Variants in CUX2 observed in about 807,000 individuals in gnomAD.
The protein encoded by CUX2 is homeobox protein cut-like 2.
Under a neutral mutation model 144.8 loss-of-function variants are expected in CUX2, and 40 were observed. The ratio of observed to expected loss-of-function variants is 0.28; its 90% CI spans 0.21 to 0.36. The LOEUF (loss-of-function observed/expected upper bound fraction) is 0.36, where lower values mean the gene tolerates loss of function less well. Among genes scored for constraint, CUX2 ranks in the 10% least tolerant of loss-of-function variants. The pLI is 1.00. For synonymous variants in CUX2, 827 were observed against 875.6 expected, an observed-to-expected ratio of 0.94 and a Z score of 0.98; for missense variants, 1,615 against 1,994.0, an observed-to-expected ratio of 0.81 and a Z score of 3.62.
intron 1 of CUX2, among the ~76,000 whole-genome samples, chr12:111,054,602 G>A (rs941868951): frequency 1.3e-5 from 2 of 152,106 alleles, no homozygotes; most frequent in African/African-American, 4.8e-5. Flanking sequence ...TCATTTAGTG[G>A]TTTAATTCCC....
intron 4 of CUX2, among the ~76,000 whole-genome samples, chr12:111,290,989 A>G (rs1414372463): frequency 6.6e-6 from 1 of 151,816 alleles, no homozygotes; most frequent in Non-Finnish European, 1.5e-5. Context: ...CAGCCTCCCG[A>G]ATAGCTGGGA....
rs1305262026 is a variant in CUX2 at position 111,057,536 on chromosome 12, T to A, written c.63+23296T>A. ...CAGGGTGACCAGGCCGATTCCAACG[T>A]GGGGACCCAGACCTCCTTACACGGG... On this transcript the variant is annotated intron_variant, in intron 1 of 21. Transcript: ENST00000261726. The surrounding 1 kb of genome is among the most constrained non-coding windows in gnomAD (Gnocchi z 5.1). Among the ~76,000 whole-genome samples, 1 of 152,084 alleles carries A rather than the reference T, an allele frequency of 6.6e-6. No homozygotes were observed. The highest frequency in any genetic ancestry group is 2.4e-5 in the African/African-American group (1 of 41,386).
intron 1 of CUX2, among the ~76,000 whole-genome samples, chr12:111,165,681 G>A (rs1878094783): frequency 6.6e-6 from 1 of 152,200 alleles, no homozygotes; most frequent in Admixed American, 6.5e-5. Flanking sequence ...TGTTCGTGCA[G>A]CAGTGACCAG....
intron 18 of CUX2, among the ~76,000 whole-genome samples, chr12:111,330,750 T>TAA (rs1888089790): frequency 5.9e-5 from 5 of 84,042 alleles, no homozygotes; most frequent in Non-Finnish European, 1.0e-4. Context: ...TATATATATA[T>TAA]AAAGAGAGAG....
Position 111,293,556 on chromosome 12 carries a change from G to A in CUX2, c.547G>A (p.Ala183Thr), listed in dbSNP as rs1398890930. 1.3e-6 allele frequency: 2 copies of A among 1,583,522 alleles called. No homozygotes were observed. The highest frequency in any genetic ancestry group is 1.7e-6 in the Non-Finnish European group (2 of 1,166,548). Residue 183 changes from alanine to threonine, a missense_variant, in exon 6 of 22, where the codon GCG (alanine) becomes ACG (threonine). Physicochemically the swap from Ala to Thr is moderately conservative, Grantham distance 58. Around this residue, in one of 12 missense-constraint regions of CUX2, gnomAD observed 295 missense variants for 400.2 expected, o/e 0.74. Coordinates refer to ENST00000261726, the MANE Select transcript of CUX2 (RefSeq NM_015267.4). This position sits in a 1 kb window ranked among gnomAD's most constrained non-coding sequence, Gnocchi z 4.5. Reference protein sequence around the residue: ...LTETLLQRNEAEKQKGLQEVQ... With the variant: ...LTETLLQRNETEKQKGLQEVQ... The stretch of plus-strand genomic sequence containing the variant: ...AGAAACCTTGCTGCAGAGAAATGAG[G>A]CGGAAAAACAAAAGTGAGGAAGGGA...
intron 1 of CUX2, among the ~76,000 whole-genome samples, chr12:111,193,245 A>G (rs975787143): frequency 3.9e-5 from 6 of 152,208 alleles, no homozygotes; most frequent in Admixed American, 3.9e-4. Flanking sequence ...ACTGCGCCCC[A>G]TAGCCCTGAT....
rs189937336 is a variant in CUX2 at position 111,125,982 on chromosome 12, G to C, written c.64-88218G>C. On this transcript the variant is annotated intron_variant, in intron 1 of 21. Coordinates refer to ENST00000261726, the MANE Select transcript of CUX2 (RefSeq NM_015267.4). ...CCACCGGGTTATGAACTATATTAGGGTTCTCCAGAAAAACAGATTCAACAC... is the reference window on the plus strand; with the variant it reads ...CCACCGGGTTATGAACTATATTAGGCTTCTCCAGAAAAACAGATTCAACAC... Among the ~76,000 whole-genome samples, 106 of 151,758 alleles carry C rather than the reference G, an allele frequency of 7.0e-4. 1 individual carries two copies. Among genetic ancestry groups the C allele is most frequent in the Non-Finnish European group, 1.1e-3 (73 of 68,014 alleles).
At chr12:111,150,325 G>A (rs559176688) in intron 1 of CUX2, among the ~76,000 whole-genome samples, 3 of 152,284 alleles carry the variant, frequency 2.0e-5, no homozygotes, top group Admixed American at 6.5e-5. Context: ...AAAAAGGGCC[G>A]GGAAAAAGAA....
At chr12:111,212,709 AAAG>A (rs1205361121) in intron 1 of CUX2, among the ~76,000 whole-genome samples, 1 of 152,178 alleles carries the variant, frequency 6.6e-6, no homozygotes. Context: ...ATAATTTTCT[AAAG>A]AAGTTAGACA....
At chr12:111,142,041 G>A (rs377731319) in intron 1 of CUX2, among the ~76,000 whole-genome samples, 2 of 152,074 alleles carry the variant, frequency 1.3e-5, no homozygotes, top group Admixed American at 1.3e-4. Flanking sequence ...CCAAGATCAC[G>A]CCACTGCACT....
chr12:111,302,093 G>A (rs1057350971), intron 9 of CUX2, among the ~76,000 whole-genome samples: 1 of 152,140 alleles, frequency 6.6e-6, no homozygotes, highest in Non-Finnish European at 1.5e-5. Context: ...CTGGAACAAG[G>A]CAAGATACGT....
At chr12:111,177,391 G>A (rs558518126) in intron 1 of CUX2, among the ~76,000 whole-genome samples, 1 of 152,024 alleles carries the variant, frequency 6.6e-6, no homozygotes, top group African/African-American at 2.4e-5. Flanking sequence ...TCATTTTGAA[G>A]ACAAGGATGA....
intron 1 of CUX2, among the ~76,000 whole-genome samples, chr12:111,051,498 T>C (rs1443459961): frequency 6.6e-6 from 1 of 152,118 alleles, no homozygotes; most frequent in Non-Finnish European, 1.5e-5. Context: ...TAGTAACTTT[T>C]TTTTTTTGTT....
At chr12:111,205,689 A>T (rs570313163) in intron 1 of CUX2, among the ~76,000 whole-genome samples, 8 of 152,276 alleles carry the variant, frequency 5.3e-5, no homozygotes, top group Admixed American at 1.3e-4. Flanking sequence ...CCCTATGGGC[A>T]CGAATTCTTA....
At chr12:111,237,268 G>A (rs1180532111) in intron 3 of CUX2, among the ~76,000 whole-genome samples, 1 of 152,202 alleles carries the variant, frequency 6.6e-6, no homozygotes, top group Non-Finnish European at 1.5e-5. Flanking sequence ...ATCCCAGGTA[G>A]CGAGCTGCTG....
chr12:111,209,195 C>T (rs1565849790), intron 1 of CUX2, among the ~76,000 whole-genome samples: 2 of 152,052 alleles, frequency 1.3e-5, no homozygotes, highest in Non-Finnish European at 2.9e-5. Flanking sequence ...CCTAGGAGTT[C>T]GAGACCAACC....
Position 111,068,636 on chromosome 12 carries a change from G to A in CUX2, c.63+34396G>A, listed in dbSNP as rs576927087. Among the ~76,000 whole-genome samples, 251 of 152,352 alleles carry A rather than the reference G, an allele frequency of 1.6e-3. 2 individuals are homozygous for A. The highest frequency in any genetic ancestry group is 5.7e-3 in the African/African-American group (238 of 41,582). On this transcript the variant is annotated intron_variant, in intron 1 of 21. Transcript: ENST00000261726. This position sits in a 1 kb window ranked among gnomAD's most constrained non-coding sequence, Gnocchi z 4.9. ...CCTGTGTTCCCGGCAGGGCCCTGCA[G>A]CAGTGCCTTTGTAGCTCACCTGCTC...
chr12:111,204,282 C>A (rs1880782295), intron 1 of CUX2, among the ~76,000 whole-genome samples: 1 of 152,240 alleles, frequency 6.6e-6, no homozygotes, highest in South Asian at 2.1e-4. Flanking sequence ...TTTCTGGAAG[C>A]CTGAGCTACG....
At chr12:111,075,298 T>G (rs1700176671) in intron 1 of CUX2, among the ~76,000 whole-genome samples, 1 of 152,068 alleles carries the variant, frequency 6.6e-6, no homozygotes, top group South Asian at 2.1e-4. Flanking sequence ...TAGGATCAGG[T>G]CGAGGGGCCT....
Sources: gnomAD v4.1 joint callset for allele counts (sites outside exome capture counted in the v4.1 genomes callset) on GRCh38, gnomAD v4.1.1 for gene constraint, gnomAD v4.1.1 regional missense constraint, Gnocchi (gnomAD v3.1) non-coding constraint, MANE v1.5 for transcripts, NCBI Gene and HGNC (gene_info 2026-07-23, HGNC 2026-07-21) for gene names.